The following CWF19L1 variants were observed in gnomAD, a reference collection of about 807,000 sequenced individuals.
The protein encoded by CWF19L1 is CWF19-like protein 1.
In CWF19L1, 60 loss-of-function variants were observed where a neutral mutation model predicts 69.7. The ratio of observed to expected loss-of-function variants is 0.86; its 90% CI spans 0.70 to 1.07. The LOEUF (loss-of-function observed/expected upper bound fraction) is 1.07. Among genes scored for constraint, CWF19L1 ranks in the 50% least tolerant of loss-of-function variants. CWF19L1 has a pLI of 0.00. For missense variants in CWF19L1, 591 were observed against 638.9 expected (o/e 0.92, Z 0.81); for synonymous variants, 209 against 222.2 (o/e 0.94, Z 0.53).
chr10:100,240,193 T>G (rs1846593735), intron 10 of CWF19L1, among the ~76,000 whole-genome samples: 1 of 152,194 alleles, frequency 6.6e-6, no homozygotes, highest in South Asian at 2.1e-4. Context: ...GATAAATGGT[T>G]CTCCCCGTAA....
At chr10:100,246,025 T>G (rs1846809220) in intron 8 of CWF19L1, 112 bp from the exon 9 acceptor site, 1 of 768,290 alleles carries the variant, frequency 1.3e-6, no homozygotes, top group Admixed American at 2.2e-5. Flanking sequence ...ATCTTTCTTC[T>G]CAGTCCTTTC....
chr10:100,233,188 TACTTC>T lies in CWF19L1; in HGVS notation c.*34_*38del, dbSNP rs1466345455. ...AATTAAAAAAAAAAAAAAGCTTTAC[TACTTC>T]CTGTGGAGTTCATAAAAAGTTCTTC... On this transcript the variant is annotated 3_prime_UTR_variant, in exon 14 of 14. Coordinates refer to ENST00000354105, the MANE Select transcript of CWF19L1 (RefSeq NM_018294.6). 1.8e-5 allele frequency: 27 copies of T among 1,483,886 alleles called. No individual in the cohort carries two copies. The highest frequency in any genetic ancestry group is 2.4e-5 in the Non-Finnish European group (26 of 1,100,916). 91.9% of individuals were successfully genotyped at this position (1,483,886 alleles called of 1,614,324 possible). A position where few individuals can be genotyped will look rare whatever the true frequency, so the allele number is the denominator to read the frequency against.
intron 7 of CWF19L1, chr10:100,248,350 T>C (rs908324806): frequency 3.1e-6 from 3 of 969,668 alleles, no homozygotes; most frequent in African/African-American, 1.6e-5. Context: ...CTATATAATG[T>C]GGATGCTGAG....
chr10:100,258,079 A>AAATAC (rs1330570443), intron 4 of CWF19L1, among the ~76,000 whole-genome samples: 1 of 152,048 alleles, frequency 6.6e-6, no homozygotes, highest in Non-Finnish European at 1.5e-5. Flanking sequence ...CTCTACTAAA[A>AAATAC]AATACAAAAT....
intron 5 of CWF19L1, 104 bp from the exon 6 acceptor site, chr10:100,253,643 C>T: frequency 4.3e-6 from 3 of 693,614 alleles, no homozygotes; most frequent in South Asian, 3.5e-5. Flanking sequence ...TACATGAATA[C>T]AGATGTGGAC....
At chr10:100,238,333 G>A (rs1220528164) in intron 10 of CWF19L1, 102 bp from the exon 11 acceptor site, 3 of 940,060 alleles carry the variant, frequency 3.2e-6, no homozygotes, top group Non-Finnish European at 4.9e-6. Context: ...TAGGCGAAAA[G>A]TACTTGAGGT....
intron 10 of CWF19L1, 82 bp downstream of exon 10, chr10:100,243,616 T>C (rs1258927225): frequency 8.4e-7 from 1 of 1,191,030 alleles, no homozygotes; most frequent in Non-Finnish European, 1.3e-6. Flanking sequence ...GGGTAAATGT[T>C]ATATGTAGAT....
At chr10:100,258,817 G>A (rs1241784309) in intron 4 of CWF19L1, 1 of 151,336 alleles carries the variant, frequency 6.6e-6, no homozygotes, top group Admixed American at 6.6e-5. Context: ...GGGAAGGAGA[G>A]AGAGGACATT....
At chr10:100,239,382 T>C (rs1253827793) in intron 10 of CWF19L1, among the ~76,000 whole-genome samples, 13 of 152,236 alleles carry the variant, frequency 8.5e-5, no homozygotes, top group Admixed American at 7.9e-4. Context: ...GGCTCATGAC[T>C]GTAATCCCAG....
chr10:100,233,481 G>A, intron 13 of CWF19L1, 110 bp from the exon 14 acceptor site: 1 of 1,039,508 alleles, frequency 9.6e-7, no homozygotes, highest in Non-Finnish European at 1.4e-6. Flanking sequence ...CCTGCCCTGA[G>A]TGCCATCTCT....
At chr10:100,254,556 A>C (rs555300651) in intron 5 of CWF19L1, 2 of 152,084 alleles carry the variant, frequency 1.3e-5, no homozygotes, top group African/African-American at 4.8e-5. Flanking sequence ...GTAAAGCAGG[A>C]ATTTCCTTTT....
In CWF19L1 at chr10:100,240,307, C is replaced by A. The variant is rs374231884; in HGVS notation, c.1045-2076G>T. On this transcript the variant is annotated intron_variant, in intron 10 of 13. Transcript: ENST00000354105. ...ACCATCAGCACAATTCTATGTACTA[C>A]CTTTGAGGAAGGCACGACAAAGAGA... is the stretch of plus-strand genomic sequence containing the variant. 6.2e-4 allele frequency among the ~76,000 whole-genome samples: 94 copies of A among 152,218 alleles called. 4 individuals are homozygous for A. In the South Asian group the frequency reaches 0.019, roughly 31 times the overall value.
Position 100,235,765 on chromosome 10 carries a change from C to G in CWF19L1, c.1375-1G>C. 2 of 1,602,460 alleles carry G rather than the reference C, an allele frequency of 1.2e-6. No homozygotes were observed. The highest frequency in any genetic ancestry group is 1.7e-6 in the Non-Finnish European group (2 of 1,172,554). The stretch of plus-strand genomic sequence containing the variant: ...AATATGCTGCTCCTGGCTGTGCAAT[C>G]TAAAGTAAACAGAGTTGTATGAGGA... On this transcript the variant is annotated splice_acceptor_variant, in intron 12 of 13. Transcript: ENST00000354105. LOFTEE classifies it high-confidence loss of function.
rs138681691 is a variant in CWF19L1 at position 100,259,932 on chromosome 10, C to T, written c.289+286G>A. Among the ~76,000 whole-genome samples the T allele has an allele frequency of 7.0e-3, 1,071 of 152,116 alleles. 15 individuals carry two copies. The highest frequency in any genetic ancestry group is 0.024 in the African/African-American group (1,015 of 41,502). On this transcript the variant is annotated intron_variant, in intron 4 of 13. Transcript: ENST00000354105. Reference sequence around the variant, plus strand: ...CTGTAATCCCAGCACTCTGGGAGGCCGAGGTGGGCGGATCACGAGGTAAGG... The same window carrying T: ...CTGTAATCCCAGCACTCTGGGAGGCTGAGGTGGGCGGATCACGAGGTAAGG...
chr10:100,246,692 G>C (rs1284197175), intron 8 of CWF19L1, 103 bp downstream of exon 8: 42 of 1,172,402 alleles, frequency 3.6e-5, no homozygotes, highest in Non-Finnish European at 4.9e-5. Flanking sequence ...TTCCCAAGGG[G>C]AAAAAAAAGA....
At chr10:100,237,348 G>C (rs1212445106) in intron 11 of CWF19L1, 1 of 448,606 alleles carries the variant, frequency 2.2e-6, no homozygotes, top group Non-Finnish European at 4.4e-6. Context: ...GCCCCATGCA[G>C]GCTTTGAGAC....
At chr10:100,266,847 T>C (rs867745187) in intron 1 of CWF19L1, among the ~76,000 whole-genome samples, 7,354 of 142,602 alleles carry the variant, frequency 0.052, 603 homozygotes, top group African/African-American at 0.18. Context: ...TTGTTTGTTT[T>C]GTTTTGTTTT....
At chr10:100,262,166 C>T (rs1416718283) in intron 1 of CWF19L1, 103 bp from the exon 2 acceptor site, 2 of 1,448,556 alleles carry the variant, frequency 1.4e-6, no homozygotes, top group African/African-American at 1.5e-5. Context: ...ATGATCTAGT[C>T]TCTCTGCAGT....
chr10:100,255,176 T>C (rs1481001117), intron 5 of CWF19L1, among the ~76,000 whole-genome samples: 1 of 152,238 alleles, frequency 6.6e-6, no homozygotes, highest in African/African-American at 2.4e-5. Flanking sequence ...TCACTCCCCA[T>C]GATAGTTGTC....
Sources: allele counts gnomAD v4.1 joint callset (sites outside exome capture counted in the v4.1 genomes callset), GRCh38; gene constraint gnomAD v4.1.1; transcripts MANE v1.5; gene names NCBI Gene and HGNC (gene_info 2026-07-23, HGNC 2026-07-21).